Variants in LUC7L2 observed in about 807,000 individuals in gnomAD.
The protein encoded by LUC7L2 is putative RNA-binding protein Luc7-like 2.
In LUC7L2, 25 loss-of-function variants were observed where a neutral mutation model predicts 52.8. The ratio of observed to expected loss-of-function variants is 0.47; its 90% confidence interval spans 0.34 to 0.66. The LOEUF (loss-of-function observed/expected upper bound fraction) is 0.66. Ranked by LOEUF, LUC7L2 falls within the 30% of genes least tolerant of loss-of-function variation. LUC7L2 has a pLI of 0.01. For missense variants in LUC7L2, 328 were observed against 497.8 expected, an observed-to-expected ratio of 0.66 and a Z score of 3.25; for synonymous variants, 144 against 160.9, an observed-to-expected ratio of 0.89 and a Z score of 0.80.
In LUC7L2 at chr7:139,360,153, G is replaced by T. The variant is rs1799787928; in HGVS notation, c.-109G>T. 2.6e-6 allele frequency: 2 copies of T among 764,522 alleles called. No homozygotes were observed. The highest frequency in any genetic ancestry group is 2.0e-6 in the Non-Finnish European group (1 of 490,382). 47.4% of individuals were successfully genotyped at this position (764,522 alleles called of 1,614,324 possible). ...TTTCCGCACGCCTCGAGGCGGCGGC[G>T]GCCACCGAGACAGCAGCGCACCTTC... On this transcript the variant is annotated 5_prime_UTR_variant, in exon 1 of 10. Coordinates refer to ENST00000354926, the MANE Select transcript of LUC7L2 (RefSeq NM_016019.5).
At chr7:139,375,739 A>C in intron 1 of LUC7L2, 2 of 420,530 alleles carry the variant, frequency 4.8e-6, no homozygotes, top group Non-Finnish European at 6.6e-6. Flanking sequence ...CAGTTTTCTC[A>C]TCTGCAATAT....
intron 3 of LUC7L2, among the ~76,000 whole-genome samples, chr7:139,400,361 T>C (rs947310740): frequency 1.3e-5 from 2 of 152,054 alleles, no homozygotes; most frequent in Admixed American, 6.5e-5. Flanking sequence ...ATACAAAAAT[T>C]AGCCGGGCAT....
At chr7:139,420,329 A>G (rs1458204615) in intron 9 of LUC7L2, among the ~76,000 whole-genome samples, 1 of 151,912 alleles carries the variant, frequency 6.6e-6, no homozygotes, top group Non-Finnish European at 1.5e-5. Flanking sequence ...TCGGCCTCCC[A>G]AGTAGCTGGG....
chr7:139,402,232 T>C lies in LUC7L2; in HGVS notation c.351T>C (p.Ala117=), dbSNP rs200254240. 6.2e-7 allele frequency: 1 copy of C among 1,602,990 alleles called. No homozygotes were observed. Among genetic ancestry groups the C allele is most frequent in the Non-Finnish European group, 8.5e-7 (1 of 1,176,266 alleles). Residue 117 remains alanine, a synonymous_variant, in exon 4 of 10, where the codon GCT becomes GCC. Transcript: ENST00000354926. Reference sequence around the variant, plus strand: ...CAGAAACTCAAGAAGAGATTAGTGCTGAAGTAGCAGCAAAGGTAAGAATTT... The same window carrying C: ...CAGAAACTCAAGAAGAGATTAGTGCCGAAGTAGCAGCAAAGGTAAGAATTT... ...RLAETQEEIS[A]EVAAKAERVH...
intron 1 of LUC7L2, among the ~76,000 whole-genome samples, chr7:139,350,150 C>G (rs555855702): frequency 6.6e-6 from 1 of 151,864 alleles, no homozygotes; most frequent in African/African-American, 2.4e-5. Flanking sequence ...GAGACGGAGT[C>G]TCGCTCTGTG....
intron 2 of LUC7L2, among the ~76,000 whole-genome samples, chr7:139,381,051 A>G (rs1240432174): frequency 6.6e-6 from 1 of 152,198 alleles, no homozygotes; most frequent in East Asian, 1.9e-4. Context: ...ATCATAGCGT[A>G]ACTTTACTGT....
chr7:139,342,886 T>A (rs959423164), intron 1 of LUC7L2, among the ~76,000 whole-genome samples: 7 of 152,236 alleles, frequency 4.6e-5, no homozygotes, highest in African/African-American at 1.7e-4. Context: ...AATACCACTC[T>A]GGAATGCACT....
chr7:139,414,465 G>A (rs1032491968), intron 8 of LUC7L2, among the ~76,000 whole-genome samples: 8 of 152,258 alleles, frequency 5.3e-5, no homozygotes, highest in African/African-American at 1.9e-4. Context: ...GCGGCTTGGA[G>A]GCCGCAGGTT....
chr7:139,347,126 A>C (rs1799294851), intron 1 of LUC7L2, among the ~76,000 whole-genome samples: 1 of 151,642 alleles, frequency 6.6e-6, no homozygotes, highest in South Asian at 2.1e-4. Flanking sequence ...GGTATATGTC[A>C]GTTTCTTCTG....
upstream of LUC7L2, chr7:139,359,803 A>G: frequency 2.5e-6 from 1 of 399,272 alleles, no homozygotes. Context: ...TTAGGGTGGA[A>G]CTCCACTCGG....
chr7:139,413,536 G>C (rs921093223), intron 8 of LUC7L2, among the ~76,000 whole-genome samples: 1 of 152,212 alleles, frequency 6.6e-6, no homozygotes, highest in Non-Finnish European at 1.5e-5. Context: ...ACAGCTCTTT[G>C]GGAGGCCGAG....
intron 1 of LUC7L2, chr7:139,363,075 C>T (rs1358109641): frequency 6.4e-5 from 14 of 219,144 alleles, no homozygotes; most frequent in Non-Finnish European, 3.1e-5. Flanking sequence ...ATGATGGTGC[C>T]GGGAGGCTGG....
At chr7:139,377,990 G>C (rs1013867473) in intron 2 of LUC7L2, among the ~76,000 whole-genome samples, 4 of 151,300 alleles carry the variant, frequency 2.6e-5, no homozygotes, top group Non-Finnish European at 5.9e-5. Context: ...GCTAATTTTT[G>C]TATTTTTTGT....
chr7:139,359,863 C>G (rs1022991263), upstream of LUC7L2: 9 of 409,478 alleles, frequency 2.2e-5, no homozygotes, highest in Admixed American at 3.1e-4. Context: ...GGAGCCCCCG[C>G]GGGAAACGAC....
chr7:139,345,569 C>T, intron 1 of LUC7L2: 1 of 1,614,122 alleles, frequency 6.2e-7, no homozygotes, highest in Non-Finnish European at 8.5e-7. Context: ...ATCTCTGCCT[C>T]CTGCGTAGCA....
chr7:139,405,637 T>C lies in LUC7L2; in HGVS notation c.367-7T>C. 6.3e-7 allele frequency: 1 copy of C among 1,582,726 alleles called. No homozygotes were observed. On this transcript the variant is annotated splice_region_variant and splice_polypyrimidine_tract_variant and intron_variant, in intron 4 of 9. Coordinates refer to ENST00000354926, the MANE Select transcript of LUC7L2 (RefSeq NM_016019.5). ...TATTCATGATCTTCTTTTTTATTTC[T>C]TTTTAGGCAGAACGTGTTCATGAGT...
chr7:139,409,510 C>A, intron 6 of LUC7L2, 53 bp from the exon 7 acceptor site: 1 of 1,547,306 alleles, frequency 6.5e-7, no homozygotes. Flanking sequence ...TAGGATAAAG[C>A]TGTTTAAGAA....
At chr7:139,358,154 G>A (rs1173437892), upstream of LUC7L2, among the ~76,000 whole-genome samples, 1 of 151,680 alleles carries the variant, frequency 6.6e-6, no homozygotes, top group Admixed American at 6.6e-5. Context: ...TTACAGGCAC[G>A]CGCATCCATG....
intron 1 of LUC7L2, 49 bp downstream of exon 1, chr7:139,360,371 G>C: frequency 2.0e-6 from 3 of 1,525,036 alleles, no homozygotes; most frequent in South Asian, 2.4e-5. Flanking sequence ...CGGGGACGGC[G>C]AAGGGAAGGG....
Sources: gnomAD v4.1 joint callset for allele counts (sites outside exome capture counted in the v4.1 genomes callset) on GRCh38, gnomAD v4.1.1 for gene constraint, MANE v1.5 for transcripts, NCBI Gene and HGNC (gene_info 2026-07-23, HGNC 2026-07-21) for gene names.